CSE1L: variants seen among roughly 807,000 people sequenced by gnomAD.
CSE1L encodes the protein chromosome segregation 1 like.
A neutral mutation model predicts 120.4 loss-of-function variants in CSE1L; 24 were observed. The ratio of observed to expected loss-of-function variants is 0.20; its 90% CI spans 0.14 to 0.28. The LOEUF is 0.28. Among genes scored for constraint, CSE1L ranks in the 10% least tolerant of loss-of-function variants. CSE1L has a pLI of 1.00. For synonymous variants in CSE1L, 402 were observed against 398.3 expected (o/e 1.01, Z -0.11); for missense variants, 830 against 1,145.2 (o/e 0.72, Z 3.97).
intron 2 of CSE1L, among the ~76,000 whole-genome samples, chr20:49,062,528 TAAG>T (rs1311930435): frequency 6.6e-6 from 1 of 152,068 alleles, no homozygotes; most frequent in Non-Finnish European, 1.5e-5. Flanking sequence ...TTGCTGGTAT[TAAG>T]AAGTTTTTAG....
chr20:49,094,711 T>G (rs762074446), intron 23 of CSE1L, 21 bp from the exon 24 acceptor site: 1 of 1,543,352 alleles, frequency 6.5e-7, no homozygotes, highest in Non-Finnish European at 9.0e-7. Context: ...CCTTTTTATC[T>G]CTTGCTTTCT....
At chr20:49,082,711 CG>C (rs2092023148) in intron 14 of CSE1L, among the ~76,000 whole-genome samples, 1 of 151,676 alleles carries the variant, frequency 6.6e-6, no homozygotes, top group South Asian at 2.1e-4. Context: ...TTAGTAGAGA[CG>C]GGGTTTCACT....
intron 1 of CSE1L, among the ~76,000 whole-genome samples, chr20:49,046,726 C>T (rs1372194199): frequency 1.3e-5 from 2 of 152,260 alleles, no homozygotes; most frequent in Non-Finnish European, 2.9e-5. Context: ...CCCGCCCTTT[C>T]CTCTCCATCA....
In CSE1L at chr20:49,067,928, CTTTTTTT is replaced by C. The variant is rs10567768; in HGVS notation, c.567+667_567+673del. ...TTTTTCTCTTTTTTTTTCCCTCTCT[CTTTTTTT>C]TTTTTTTTTTTTTTTTTTGAGATGG... On this transcript the variant is annotated intron_variant, in intron 6 of 24. Coordinates refer to ENST00000262982, the MANE Select transcript of CSE1L (RefSeq NM_001316.4). Among the ~76,000 whole-genome samples, 10 of 78,496 alleles carry C rather than the reference CTTTTTTT, an allele frequency of 1.3e-4. No individual in the cohort carries two copies. In the East Asian group the frequency reaches 2.7e-3, roughly 21 times the overall value. 51.5% of individuals were successfully genotyped at this position (78,496 alleles called of 152,430 possible).
At chr20:49,086,593 G>A (rs963562813) in intron 16 of CSE1L, among the ~76,000 whole-genome samples, 4 of 151,878 alleles carry the variant, frequency 2.6e-5, no homozygotes, top group Non-Finnish European at 5.9e-5. Flanking sequence ...TTGAACTCCC[G>A]ACCTCAGGTG....
intron 6 of CSE1L, among the ~76,000 whole-genome samples, chr20:49,068,312 G>A (rs2091908740): frequency 6.6e-6 from 1 of 152,096 alleles, no homozygotes; most frequent in Non-Finnish European, 1.5e-5. Context: ...GCCAAGGCTG[G>A]GCATGGTGGC....
intron 12 of CSE1L, among the ~76,000 whole-genome samples, chr20:49,076,053 A>C (rs1379377203): frequency 2.0e-5 from 3 of 152,198 alleles, no homozygotes; most frequent in Non-Finnish European, 2.9e-5. Context: ...GATGGTCTCA[A>C]ATTCCTGACC....
At chr20:49,072,733 T>G in intron 10 of CSE1L, 36 bp downstream of exon 10, 1 of 1,551,436 alleles carries the variant, frequency 6.4e-7, no homozygotes, top group Non-Finnish European at 8.7e-7. Flanking sequence ...ATAAATCTAC[T>G]AAGTCTGTGT....
At chr20:49,051,902 C>G (rs1228870438) in intron 1 of CSE1L, among the ~76,000 whole-genome samples, 1 of 152,128 alleles carries the variant, frequency 6.6e-6, no homozygotes, top group African/African-American at 2.4e-5. Context: ...CACTATGTTG[C>G]CCACGCTGGT....
At position 49,066,247 on chromosome 20, in the gene CSE1L, A is replaced by G. The variant is rs780226225; in HGVS notation, c.284A>G (p.Asn95Ser). The G allele has an allele frequency of 3.7e-6, 6 of 1,614,258 alleles. No homozygotes were observed. In the South Asian group the frequency reaches 4.4e-5, roughly 12 times the overall value. ...GCCGATCGAGTGGCCATTAAAGCCA[A>G]CATAGTGCACTTGATGCTTAGCAGC... ...CEADRVAIKA[N>S]IVHLMLSSPE... Residue 95 changes from asparagine to serine, a missense_variant, in exon 4 of 25, where the codon AAC (asparagine) becomes AGC (serine). Asn to Ser is a conservative substitution (Grantham distance 46). Coordinates refer to ENST00000262982, the MANE Select transcript of CSE1L (RefSeq NM_001316.4).
At chr20:49,061,572 G>C (rs2091853757) in intron 2 of CSE1L, among the ~76,000 whole-genome samples, 1 of 150,616 alleles carries the variant, frequency 6.6e-6, no homozygotes, top group South Asian at 2.1e-4. Flanking sequence ...GCGCCATCTT[G>C]GCTCACTGCA....
intron 14 of CSE1L, 27 bp downstream of exon 14, chr20:49,078,649 C>A: frequency 6.9e-7 from 1 of 1,452,340 alleles, no homozygotes; most frequent in East Asian, 2.4e-5. Flanking sequence ...TTGTTACACG[C>A]CACTTAATCT....
At chr20:49,094,458 G>T (rs1186715872) in intron 23 of CSE1L, among the ~76,000 whole-genome samples, 172 bp downstream of exon 23, 1 of 152,108 alleles carries the variant, frequency 6.6e-6, no homozygotes, top group African/African-American at 2.4e-5. Context: ...GAATGATCTT[G>T]TTTCCTGCTT....
At chr20:49,066,983 G>T (rs1048837599) in intron 5 of CSE1L, among the ~76,000 whole-genome samples, 1 of 122,284 alleles carries the variant, frequency 8.2e-6, no homozygotes, top group African/African-American at 3.2e-5. Context: ...AGTGAGCCGA[G>T]ATCAAACCAC....
intron 2 of CSE1L, 29 bp from the exon 3 acceptor site, chr20:49,063,173 A>G (rs755265305): frequency 1.4e-6 from 2 of 1,457,630 alleles, no homozygotes; most frequent in African/African-American, 1.4e-5. Context: ...TTTTTATCTT[A>G]GTCTTTTAAC....
intron 21 of CSE1L, 56 bp downstream of exon 21, chr20:49,091,078 C>CATAAAGT: frequency 1.7e-6 from 2 of 1,163,884 alleles, no homozygotes; most frequent in Non-Finnish European, 2.5e-6. Context: ...TAGCTAAAAC[C>CATAAAGT]CTTAGACTTT....
At position 49,094,894 on chromosome 20, in the gene CSE1L, A is replaced by G. The variant is rs370382903; in HGVS notation, c.2757A>G (p.Gln919=). Residue 919 remains glutamine (Q), a synonymous_variant, in exon 24 of 25, where the codon CAA becomes CAG. Transcript: ENST00000262982. The stretch of plus-strand genomic sequence containing the variant: ...AAAAAGAGCATGATCCTGTAGGTCA[A>G]ATGGTGAATAACCCCAAAATTCACC... ...AGKKEHDPVG[Q]MVNNPKIHLA... 2 of 1,614,054 alleles carry G rather than the reference A, an allele frequency of 1.2e-6. No individual in the cohort carries two copies. Among genetic ancestry groups the G allele is most frequent in the South Asian group, 1.1e-5 (1 of 91,084 alleles).
chr20:49,095,291 A>G (rs138642039), intron 24 of CSE1L: 59 of 251,372 alleles, frequency 2.3e-4, no homozygotes, highest in Middle Eastern at 1.4e-3. Context: ...TAATCCATCT[A>G]TTATTAAAAT....
At chr20:49,072,169 A>G in intron 8 of CSE1L, 117 bp from the exon 9 acceptor site, 3 of 1,098,008 alleles carry the variant, frequency 2.7e-6, no homozygotes, top group Non-Finnish European at 3.9e-6. Context: ...AGTTTACAAT[A>G]ACTGATTTGA....
Sources: gnomAD v4.1 joint callset for allele counts (sites outside exome capture counted in the v4.1 genomes callset) on GRCh38, gnomAD v4.1.1 for gene constraint, MANE v1.5 for transcripts, NCBI Gene and HGNC (gene_info 2026-07-23, HGNC 2026-07-21) for gene names.